HS3ST2: variants seen among roughly 807,000 people sequenced by gnomAD.
The protein encoded by HS3ST2 is heparan sulfate glucosamine 3-O-sulfotransferase 2.
A neutral mutation model predicts 26.3 loss-of-function variants in HS3ST2; 17 were observed. The ratio of observed to expected loss-of-function variants is 0.65; its 90% CI spans 0.44 to 0.97. The LOEUF (loss-of-function observed/expected upper bound fraction) is 0.97. Ranked by LOEUF, HS3ST2 falls within the 50% of genes least tolerant of loss-of-function variation. The pLI, the probability that HS3ST2 is intolerant of heterozygous loss-of-function variation, is 0.00. For missense variants in HS3ST2, 402 were observed against 501.2 expected (o/e 0.80, Z 1.89); for synonymous variants, 237 against 219.2 (o/e 1.08, Z -0.72).
chr16:22,914,970 G>A lies in HS3ST2; in HGVS notation c.512G>A (p.Ser171Asn). The change falls in exon 2 of 2, where the codon AGC becomes AAC. Residue 171 changes from serine (S) to asparagine (N), a missense_variant. By Grantham distance (46) the Ser-to-Asn change is conservative. Coordinates refer to ENST00000261374, the MANE Select transcript of HS3ST2 (RefSeq NM_006043.2). The part of the protein sequence containing the change: ...YRSLMPRTLE[S>N]QITLEKTPSY... ...AGCCTGATGCCCAGGACCCTCGAGA[G>A]CCAGATCACGCTGGAGAAGACGCCC... is the stretch of plus-strand genomic sequence containing the variant. The A allele has an allele frequency of 1.2e-6, 2 of 1,613,350 alleles. No homozygotes were observed. The highest frequency in any genetic ancestry group is 1.7e-6 in the Non-Finnish European group (2 of 1,179,936).
chr16:22,876,308 G>A lies in HS3ST2; in HGVS notation c.486-38636G>A, dbSNP rs1385546736. Among the ~76,000 whole-genome samples, 6 of 150,992 alleles carry A rather than the reference G, an allele frequency of 4.0e-5. No homozygotes were observed. The South Asian group carries it at 1.0e-3, about 26-fold the overall frequency. On this transcript the variant is annotated intron_variant, in intron 1 of 1. Transcript: ENST00000261374. ...CTAAGGACATGCACAGACAATTCTC[G>A]AAAAAAAAGATATACAAATGGCCAA...
At chr16:22,869,900 C>CA in intron 1 of HS3ST2, among the ~76,000 whole-genome samples, 1 of 152,184 alleles carries the variant, frequency 6.6e-6, no homozygotes, top group South Asian at 2.1e-4. Context: ...GGCAAAGCCT[C>CA]AGAGTTCAAT....
intron 1 of HS3ST2, among the ~76,000 whole-genome samples, chr16:22,822,763 G>A (rs1044725979): frequency 9.2e-5 from 14 of 151,986 alleles, no homozygotes; most frequent in Admixed American, 5.2e-4. Context: ...GCTGAGGAAG[G>A]AGAGTTGCTT....
intron 1 of HS3ST2, among the ~76,000 whole-genome samples, chr16:22,842,553 G>A (rs208940): frequency 0.39 from 58,556 of 151,828 alleles, 12,101 homozygotes; most frequent in African/African-American, 0.54. Context: ...AGCCTCTGGT[G>A]ACCACCCTTC....
At position 22,899,006 on chromosome 16, in the gene HS3ST2, G is replaced by A. The variant is rs1345394539; in HGVS notation, c.486-15938G>A. ...GGATCACCTCCAACTACCCACTAGG[G>A]GGCGCTGCTATGCTGCAAGAAGTGG... On this transcript the variant is annotated intron_variant, in intron 1 of 1. Transcript: ENST00000261374. 2.0e-5 allele frequency among the ~76,000 whole-genome samples: 3 copies of A among 152,190 alleles called. No homozygotes were observed. In the East Asian group the frequency reaches 5.8e-4, roughly 29 times the overall value.
intron 1 of HS3ST2, among the ~76,000 whole-genome samples, chr16:22,884,086 A>G (rs898650308): frequency 6.6e-6 from 1 of 152,232 alleles, no homozygotes. Flanking sequence ...ACCCAGGGTC[A>G]AGAAAGGCAT....
intron 1 of HS3ST2, among the ~76,000 whole-genome samples, chr16:22,892,700 C>T (rs1902147014): frequency 6.6e-6 from 1 of 152,026 alleles, no homozygotes; most frequent in Non-Finnish European, 1.5e-5. Flanking sequence ...ATAGAGAGTG[C>T]CTTCCATAAA....
At chr16:22,817,790 T>C (rs1900892589) in intron 1 of HS3ST2, among the ~76,000 whole-genome samples, 1 of 151,864 alleles carries the variant, frequency 6.6e-6, no homozygotes, top group Non-Finnish European at 1.5e-5. Context: ...GATCTTAGTA[T>C]GATCTGCCCA....
intron 1 of HS3ST2, among the ~76,000 whole-genome samples, chr16:22,819,729 G>T (rs1030111115): frequency 6.6e-6 from 1 of 152,200 alleles, no homozygotes; most frequent in African/African-American, 2.4e-5. Flanking sequence ...TCTTGGGATG[G>T]TGCAAAGCAA....
intron 1 of HS3ST2, among the ~76,000 whole-genome samples, chr16:22,907,619 A>G (rs1314880395): frequency 6.6e-6 from 1 of 152,242 alleles, no homozygotes; most frequent in African/African-American, 2.4e-5. Context: ...TTTCATGATG[A>G]TATTTGCAAA....
intron 1 of HS3ST2, among the ~76,000 whole-genome samples, chr16:22,819,145 TTCCTTCCTTCCC>T (rs1900950926): frequency 2.9e-5 from 3 of 102,218 alleles, no homozygotes; most frequent in Admixed American, 1.0e-4. Flanking sequence ...CCTTCCTTCC[TTCCTTCCTTCCC>T]TCCTTCCTTC....
chr16:22,859,329 C>T (rs1901644675), intron 1 of HS3ST2, among the ~76,000 whole-genome samples: 1 of 152,162 alleles, frequency 6.6e-6, no homozygotes, highest in African/African-American at 2.4e-5. Context: ...TTCATATTTG[C>T]AAACTGTGCA....
intron 1 of HS3ST2, among the ~76,000 whole-genome samples, chr16:22,872,591 C>G (rs1441876344): frequency 6.6e-6 from 1 of 152,156 alleles, no homozygotes; most frequent in Non-Finnish European, 1.5e-5. Flanking sequence ...ATGGGGCACA[C>G]CCTCTAGGGT....
At chr16:22,871,856 C>T (rs900574205) in intron 1 of HS3ST2, among the ~76,000 whole-genome samples, 6 of 152,148 alleles carry the variant, frequency 3.9e-5, no homozygotes, top group Admixed American at 6.5e-5. Flanking sequence ...GTGACTCCGA[C>T]GCCAATATTG....
chr16:22,818,694 G>A (rs867004087), intron 1 of HS3ST2, among the ~76,000 whole-genome samples: 1 of 63,712 alleles, frequency 1.6e-5, no homozygotes, highest in Admixed American at 1.9e-4. Flanking sequence ...CTCCTTGCCT[G>A]CCTTCCTTCC....
chr16:22,837,759 A>G (rs1422117736), intron 1 of HS3ST2, among the ~76,000 whole-genome samples: 3 of 151,904 alleles, frequency 2.0e-5, no homozygotes, highest in Admixed American at 2.0e-4. Flanking sequence ...TAATAAAAAA[A>G]GAACAATTAT....
At chr16:22,885,443 TTTTTC>T (rs1437776024) in intron 1 of HS3ST2, among the ~76,000 whole-genome samples, 1 of 151,698 alleles carries the variant, frequency 6.6e-6, no homozygotes, top group South Asian at 2.1e-4. Context: ...TTAGTCCTCA[TTTTTC>T]TTTTCTTTTC....
intron 1 of HS3ST2, among the ~76,000 whole-genome samples, chr16:22,878,982 G>A (rs374875535): frequency 1.5e-4 from 23 of 152,346 alleles, no homozygotes; most frequent in East Asian, 3.9e-4. Flanking sequence ...GTCTCCTGGC[G>A]TTTGCCGAAA....
chr16:22,882,806 G>A (rs566008116), intron 1 of HS3ST2, among the ~76,000 whole-genome samples: 1 of 152,158 alleles, frequency 6.6e-6, no homozygotes, highest in African/African-American at 2.4e-5. Context: ...GCTGAGGCAG[G>A]TGGATCACGA....
Sources: allele counts gnomAD v4.1 joint callset (sites outside exome capture counted in the v4.1 genomes callset), GRCh38; gene constraint gnomAD v4.1.1; transcripts MANE v1.5; gene names NCBI Gene and HGNC (gene_info 2026-07-23, HGNC 2026-07-21).